BCHE: variants seen among roughly 807,000 people sequenced by gnomAD.
BCHE encodes the protein butyrylcholinesterase, also known as cholinesterase.
Under a neutral mutation model 51.3 loss-of-function variants are expected in BCHE, and 48 were observed. The observed-to-expected ratio is 0.94, with a 90% CI of 0.74 to 1.19. The LOEUF (loss-of-function observed/expected upper bound fraction) is 1.19, where lower values mean the gene tolerates loss of function less well. Ranked by LOEUF, BCHE falls within the 50% of genes most tolerant of loss-of-function variation. BCHE has a pLI of 0.00. For missense variants in BCHE, 847 were observed against 708.2 expected, an observed-to-expected ratio of 1.20 and a Z score of -2.23; for synonymous variants, 251 against 238.0, an observed-to-expected ratio of 1.05 and a Z score of -0.50.
chr3:165,828,950 C>G (rs1389139246), intron 2 of BCHE, among the ~76,000 whole-genome samples: 1 of 152,046 alleles, frequency 6.6e-6, no homozygotes, highest in Non-Finnish European at 1.5e-5. Context: ...CAGTCAAACA[C>G]AGGCTGCCTC....
intron 2 of BCHE, among the ~76,000 whole-genome samples, chr3:165,823,343 T>C (rs1714599524): frequency 6.6e-6 from 1 of 152,100 alleles, no homozygotes; most frequent in Non-Finnish European, 1.5e-5. Context: ...GCCCTTAAAA[T>C]ACCAACGGAG....
chr3:165,786,492 CTA>C (rs1236886586), intron 2 of BCHE, among the ~76,000 whole-genome samples, 181 bp from the exon 3 acceptor site: 1 of 151,636 alleles, frequency 6.6e-6, no homozygotes, highest in African/African-American at 2.4e-5. Flanking sequence ...CTGAGAACCA[CTA>C]TGTTATTTAA....
intron 2 of BCHE, among the ~76,000 whole-genome samples, chr3:165,820,586 G>T (rs1320621067): frequency 6.6e-6 from 1 of 151,858 alleles, no homozygotes; most frequent in African/African-American, 2.4e-5. Flanking sequence ...ATGTTCCATT[G>T]GGTTAATTAT....
chr3:165,805,486 A>T (rs1486199769), intron 2 of BCHE, among the ~76,000 whole-genome samples: 1 of 152,150 alleles, frequency 6.6e-6, no homozygotes, highest in Non-Finnish European at 1.5e-5. Flanking sequence ...TTTCTGAAGG[A>T]CTTTAAAACA....
chr3:165,832,013 A>G (rs2108236904), intron 1 of BCHE, among the ~76,000 whole-genome samples: 1 of 152,316 alleles, frequency 6.6e-6, no homozygotes, highest in African/African-American at 2.4e-5. Context: ...TGCATTTTTT[A>G]TAATGAAAAA....
At chr3:165,780,111 A>C (rs370361005) in intron 3 of BCHE, among the ~76,000 whole-genome samples, 1 of 152,166 alleles carries the variant, frequency 6.6e-6, no homozygotes, top group Non-Finnish European at 1.5e-5. Flanking sequence ...AACATCATAC[A>C]TCGACAACCA....
intron 3 of BCHE, among the ~76,000 whole-genome samples, chr3:165,775,820 C>CTA (rs1712448012): frequency 6.6e-6 from 1 of 151,798 alleles, no homozygotes; most frequent in African/African-American, 2.4e-5. Flanking sequence ...TAATTATTTC[C>CTA]TAATGAAATC....
At chr3:165,792,215 A>G (rs1713195625) in intron 2 of BCHE, among the ~76,000 whole-genome samples, 1 of 152,102 alleles carries the variant, frequency 6.6e-6, no homozygotes. Flanking sequence ...AAGTTAGAAT[A>G]GCTTTGTACT....
intron 2 of BCHE, chr3:165,828,080 A>G (rs1714800578): frequency 2.2e-6 from 1 of 455,732 alleles, no homozygotes; most frequent in Non-Finnish European, 4.4e-6. Flanking sequence ...CTTACAATGA[A>G]AGAGGAAATA....
chr3:165,779,635 A>C (rs1712606876), intron 3 of BCHE, among the ~76,000 whole-genome samples: 1 of 152,148 alleles, frequency 6.6e-6, no homozygotes, highest in Admixed American at 6.6e-5. Context: ...ACAAGCAGAG[A>C]GCCAAATCAT....
chr3:165,819,893 T>C (rs1714448489), intron 2 of BCHE, among the ~76,000 whole-genome samples: 1 of 152,294 alleles, frequency 6.6e-6, no homozygotes, highest in African/African-American at 2.4e-5. Flanking sequence ...GCATTACATC[T>C]GTGTGTACAT....
At position 165,831,001 on chromosome 3, in the gene BCHE, T is replaced by C; in HGVS notation, c.33A>G (p.Arg11=). The part of the protein sequence containing the change: MHSKVTIICI[R]FLFWFLLLCM... ...AGAGCAAAAGAAACCAAAAGAGAAA[T>C]CTGATGCATATGATTGTGACTTTGC... The change falls in exon 2 of 4, where the codon AGA becomes AGG. Residue 11 remains arginine, a synonymous_variant. Coordinates refer to ENST00000264381, the MANE Select transcript of BCHE (RefSeq NM_000055.4). The C allele has an allele frequency of 6.2e-7, 1 of 1,613,414 alleles. No homozygotes were observed. Among genetic ancestry groups the C allele is most frequent in the Non-Finnish European group, 8.5e-7 (1 of 1,179,780 alleles).
At chr3:165,786,571 GA>G (rs1230349287) in intron 2 of BCHE, among the ~76,000 whole-genome samples, 1 of 151,662 alleles carries the variant, frequency 6.6e-6, no homozygotes, top group African/African-American at 2.4e-5. Context: ...ATTGGAAGAA[GA>G]AATTTTTTAT....
At position 165,830,311 on chromosome 3, in the gene BCHE, G is replaced by A. The variant is rs750964403; in HGVS notation, c.723C>T (p.Ser241=). 1 of 1,613,872 alleles carries A rather than the reference G, an allele frequency of 6.2e-7. No individual in the cohort carries two copies. Among genetic ancestry groups the A allele is most frequent in the Non-Finnish European group, 8.5e-7 (1 of 1,179,956 alleles). The change falls in exon 2 of 4, where the codon AGC becomes AGT. Residue 241 remains serine (S), a synonymous_variant. Transcript: ENST00000264381. ...SVSLHLLSPG[S]HSLFTRAILQ... is the part of the protein sequence containing the mutation. Reference sequence around the variant, plus strand: ...GAATGGCTCTGGTGAACAATGAATGGCTTCCAGGAGAAAGCAAATGCAGGC... The same window carrying A: ...GAATGGCTCTGGTGAACAATGAATGACTTCCAGGAGAAAGCAAATGCAGGC...
intron 2 of BCHE, among the ~76,000 whole-genome samples, chr3:165,802,960 C>G (rs1380175767): frequency 6.6e-6 from 1 of 152,044 alleles, no homozygotes; most frequent in Non-Finnish European, 1.5e-5. Flanking sequence ...CCTGGATGGT[C>G]TTGATCTCCT....
rs189680380 is a variant in BCHE at position 165,803,545 on chromosome 3, T to G, written c.1518-17234A>C. On this transcript the variant is annotated intron_variant, in intron 2 of 3. Transcript: ENST00000264381. ...TCATCCAATTCCCAGACTATATTTCTTACTATTCTAAATTACTAAATATGT... is the reference window on the plus strand; with the variant it reads ...TCATCCAATTCCCAGACTATATTTCGTACTATTCTAAATTACTAAATATGT... Among the ~76,000 whole-genome samples the G allele has an allele frequency of 2.0e-5, 3 of 152,226 alleles. No homozygotes were observed. In the South Asian group the frequency reaches 6.2e-4, roughly 31 times the overall value.
chr3:165,828,207 G>A (rs1714804663), intron 2 of BCHE: 2 of 361,260 alleles, frequency 5.5e-6, no homozygotes, highest in Non-Finnish European at 5.4e-6. Flanking sequence ...AAAAAAGTAG[G>A]ACTTTGTCAT....
chr3:165,824,151 TAA>T (rs1714636103), intron 2 of BCHE, among the ~76,000 whole-genome samples: 2 of 151,572 alleles, frequency 1.3e-5, no homozygotes, highest in South Asian at 2.1e-4. Context: ...TTTTCATGAA[TAA>T]GAGGAAAACA....
At chr3:165,835,760 C>T (rs987450625) in intron 1 of BCHE, among the ~76,000 whole-genome samples, 1 of 151,872 alleles carries the variant, frequency 6.6e-6, no homozygotes, top group African/African-American at 2.4e-5. Context: ...GATGTTTTAT[C>T]TGTCCTCAAT....
Sources: gnomAD v4.1 joint callset for allele counts (sites outside exome capture counted in the v4.1 genomes callset) on GRCh38, gnomAD v4.1.1 for gene constraint, MANE v1.5 for transcripts, NCBI Gene and HGNC (gene_info 2026-07-23, HGNC 2026-07-21) for gene names.